The following SERPINA12 variants were observed in gnomAD, a reference collection of about 807,000 sequenced individuals.
The protein encoded by SERPINA12 is serpin family A member 12.
In SERPINA12, 21 loss-of-function variants were observed where a neutral mutation model predicts 25.9. The observed-to-expected ratio is 0.81, with a 90% CI of 0.58 to 1.17. SERPINA12 has a LOEUF of 1.17. Ranked by LOEUF, SERPINA12 falls within the 50% of genes most tolerant of loss-of-function variation. SERPINA12 has a pLI of 0.00. For missense variants in SERPINA12, 562 were observed against 508.3 expected, an observed-to-expected ratio of 1.11 and a Z score of -1.02; for synonymous variants, 220 against 196.0, an observed-to-expected ratio of 1.12 and a Z score of -1.02.
At position 94,493,762 on chromosome 14, in the gene SERPINA12, C is replaced by T. The variant is rs542642455; in HGVS notation, c.905+2611G>A. On this transcript the variant is annotated intron_variant, in intron 3 of 4. Coordinates refer to ENST00000677451, the MANE Select transcript of SERPINA12 (RefSeq NM_001382267.1). ...TGAGGAGCTTTGGTTCTGTTATTCC[C>T]AAACCTCCAGGAAGTCTGGCACTAG... Among the ~76,000 whole-genome samples, 14 of 152,328 alleles carry T rather than the reference C, an allele frequency of 9.2e-5. 1 individual carries two copies. The highest frequency in any genetic ancestry group is 3.4e-4 in the African/African-American group (14 of 41,568).
chr14:94,496,274 C>A, intron 3 of SERPINA12, 99 bp downstream of exon 3: 1 of 1,164,440 alleles, frequency 8.6e-7, no homozygotes, highest in Non-Finnish European at 1.3e-6. Context: ...ATTATAGAGC[C>A]CAGAAGAGGA....
intron 3 of SERPINA12, among the ~76,000 whole-genome samples, chr14:94,493,586 C>A (rs942279269): frequency 6.6e-6 from 1 of 152,134 alleles, no homozygotes; most frequent in Non-Finnish European, 1.5e-5. Context: ...CCACTGAGAG[C>A]AGCCTGCACT....
chr14:94,515,207 G>A (rs934920593), intron 2 of SERPINA12, among the ~76,000 whole-genome samples: 1 of 152,196 alleles, frequency 6.6e-6, no homozygotes, highest in South Asian at 2.1e-4. Flanking sequence ...CTGATGATTG[G>A]GAGTGACAAG....
intron 1 of SERPINA12, among the ~76,000 whole-genome samples, chr14:94,504,767 G>T (rs968686238): frequency 6.6e-6 from 1 of 152,170 alleles, no homozygotes; most frequent in Non-Finnish European, 1.5e-5. Context: ...GTGAGACTAT[G>T]GTTGGGTTCT....
At chr14:94,510,397 GA>G (rs1901078434), upstream of SERPINA12, 1 of 282,152 alleles carries the variant, frequency 3.5e-6, no homozygotes, top group African/African-American at 2.3e-5. Context: ...ACCACAATGA[GA>G]TACCACCTTA....
intron 3 of SERPINA12, among the ~76,000 whole-genome samples, chr14:94,493,494 G>A (rs929951189): frequency 1.3e-5 from 2 of 152,136 alleles, no homozygotes; most frequent in Non-Finnish European, 2.9e-5. Flanking sequence ...GGATGGGGGA[G>A]GCAGACCAGG....
intron 1 of SERPINA12, among the ~76,000 whole-genome samples, chr14:94,501,293 AT>A (rs1337256771): frequency 1.1e-4 from 16 of 152,250 alleles, no homozygotes; most frequent in African/African-American, 3.9e-4. Flanking sequence ...CTGAGAAAAC[AT>A]TCTCAGCAGC....
chr14:94,489,720 T>A lies in SERPINA12; in HGVS notation c.953A>T (p.Asp318Val). 1.2e-6 allele frequency: 2 copies of A among 1,614,144 alleles called. No homozygotes were observed. Among genetic ancestry groups the A allele is most frequent in the African/African-American group, 1.3e-5 (1 of 75,034 alleles). Residue 318 changes from aspartate (D) to valine (V), a missense_variant, in exon 4 of 5, where the codon GAC becomes GTC. Physicochemically the swap from Asp to Val is radical, Grantham distance 152. Coordinates refer to ENST00000677451, the MANE Select transcript of SERPINA12 (RefSeq NM_001382267.1). The stretch of plus-strand genomic sequence containing the variant: ...TATGTAGGAGAGAGTCTTCTTCAGG[T>A]CGAAGGTGCCCGTCATGTGGAGTCT... The part of the protein sequence containing the change: ...VPRLHMTGTF[D>V]LKKTLSYIGV...
chr14:94,517,604 T>A (rs1057260052), exon 1 of SERPINA12: 1 of 152,140 alleles, frequency 6.6e-6, no homozygotes, highest in African/African-American at 2.4e-5. Context: ...TCTCCCCACA[T>A]CCCCAGTACT....
chr14:94,495,549 A>G (rs1900382370), intron 3 of SERPINA12, among the ~76,000 whole-genome samples: 1 of 152,274 alleles, frequency 6.6e-6, no homozygotes, highest in African/African-American at 2.4e-5. Flanking sequence ...GCCTGACAGG[A>G]CGTTAGGTGT....
chr14:94,504,454 A>G (rs999711214), intron 1 of SERPINA12, among the ~76,000 whole-genome samples: 33 of 152,242 alleles, frequency 2.2e-4, no homozygotes, highest in Admixed American at 2.0e-3. Flanking sequence ...ATGAGCCTAG[A>G]GTCCTAATAC....
chr14:94,505,453 G>A (rs1231007518), intron 1 of SERPINA12, among the ~76,000 whole-genome samples: 1 of 152,226 alleles, frequency 6.6e-6, no homozygotes, highest in Non-Finnish European at 1.5e-5. Context: ...ATGGGTCAAA[G>A]ACACCATGTG....
At position 94,498,172 on chromosome 14, in the gene SERPINA12, G is replaced by A. The variant is rs1900540343; in HGVS notation, c.226C>T (p.Pro76Ser). ...GAGAAAGCTGTAGAGATGCTCAAGG[G>A]GGATAGGAAGATGTTCCTGCCAGGG... is the stretch of plus-strand genomic sequence containing the variant. ...YNPGRNIFLS[P>S]LSISTAFSML... The change falls in exon 2 of 5, where the codon CCC becomes TCC. Residue 76 changes from proline (P) to serine (S), a missense_variant. Coordinates refer to ENST00000677451, the MANE Select transcript of SERPINA12 (RefSeq NM_001382267.1). 1.2e-6 allele frequency: 2 copies of A among 1,613,984 alleles called. No individual in the cohort carries two copies. The highest frequency in any genetic ancestry group is 1.7e-5 in the Admixed American group (1 of 60,006).
At chr14:94,512,096 A>AAAAAC (rs370184681), upstream of SERPINA12, among the ~76,000 whole-genome samples, 8,404 of 149,138 alleles carry the variant, frequency 0.056, 278 homozygotes, top group Middle Eastern at 0.14. Flanking sequence ...ACTCCATCTC[A>AAAAAC]AAAACAAAAC....
At chr14:94,502,284 G>A (rs766136235) in intron 1 of SERPINA12, among the ~76,000 whole-genome samples, 72 of 151,918 alleles carry the variant, frequency 4.7e-4, no homozygotes, top group Non-Finnish European at 7.4e-4. Flanking sequence ...TCACTGACCC[G>A]GAAGTCATTC....
chr14:94,498,129 G>A lies in SERPINA12; in HGVS notation c.269C>T (p.Ala90Val). The A allele has an allele frequency of 6.2e-7, 1 of 1,614,092 alleles. No individual in the cohort carries two copies. Among genetic ancestry groups the A allele is most frequent in the Non-Finnish European group, 8.5e-7 (1 of 1,180,018 alleles). ...STAFSMLCLG[A>V]QDSTLDEIKQ... Reference sequence around the variant, plus strand: ...GATCTCGTCCAGGGTGCTGTCCTGGGCACCCAGGCACAGCATGGAGAAAGC... The same window carrying A: ...GATCTCGTCCAGGGTGCTGTCCTGGACACCCAGGCACAGCATGGAGAAAGC... Residue 90 changes from alanine to valine, a missense_variant, in exon 2 of 5, where the codon GCC becomes GTC. By Grantham distance (64) the Ala-to-Val change is moderately conservative (BLOSUM62 0). Transcript: ENST00000677451.
At chr14:94,511,752 G>A (rs1901116764), upstream of SERPINA12, 1 of 978,994 alleles carries the variant, frequency 1.0e-6, no homozygotes, top group East Asian at 1.1e-4. Context: ...GTACCAGGCA[G>A]CAAGCCAGGT....
chr14:94,489,751 C>T lies in SERPINA12; in HGVS notation c.922G>A (p.Val308Ile). ...GTGCCCGTCATGTGGAGTCTGGGTACAGACACGTCTACGACCCTGGGGAAT... is the reference window on the plus strand; with the variant it reads ...GTGCCCGTCATGTGGAGTCTGGGTATAGACACGTCTACGACCCTGGGGAAT... ...LLSRRVVDVSVPRLHMTGTFD... is the reference protein window; with the variant it reads ...LLSRRVVDVSIPRLHMTGTFD... Residue 308 changes from valine (V) to isoleucine (I), a missense_variant, in exon 4 of 5, where the codon GTA becomes ATA. Transcript: ENST00000677451. The T allele has an allele frequency of 6.2e-7, 1 of 1,614,080 alleles. No homozygotes were observed. Among genetic ancestry groups the T allele is most frequent in the Non-Finnish European group, 8.5e-7 (1 of 1,179,962 alleles).
chr14:94,505,357 C>A (rs1401185305), intron 1 of SERPINA12, among the ~76,000 whole-genome samples: 2 of 152,212 alleles, frequency 1.3e-5, no homozygotes, highest in Non-Finnish European at 2.9e-5. Flanking sequence ...GGTTCCAGAG[C>A]TGCCCAGATC....
Sources: allele counts gnomAD v4.1 joint callset (sites outside exome capture counted in the v4.1 genomes callset), GRCh38; gene constraint gnomAD v4.1.1; transcripts MANE v1.5; gene names NCBI Gene and HGNC (gene_info 2026-07-23, HGNC 2026-07-21).